MCTP1: variants seen among roughly 807,000 people sequenced by gnomAD.
MCTP1 encodes the protein multiple C2 and transmembrane domain-containing protein 1.
In MCTP1, 69 loss-of-function variants were observed where a neutral mutation model predicts 120.6. That is an observed-to-expected ratio of 0.57 (90% CI 0.47 to 0.70). The LOEUF is 0.70. Among genes scored for constraint, MCTP1 ranks in the 30% least tolerant of loss-of-function variants. The pLI is 0.00. For synonymous variants in MCTP1, 529 were observed against 493.1 expected (o/e 1.07, Z -0.96); for missense variants, 1,203 against 1,248.8 (o/e 0.96, Z 0.55).
At chr5:94,725,753 T>C (rs1186136669) in intron 19 of MCTP1, among the ~76,000 whole-genome samples, 1 of 152,184 alleles carries the variant, frequency 6.6e-6, no homozygotes, top group African/African-American at 2.4e-5. Context: ...TTTTGAGCAA[T>C]TTATTAACTT....
chr5:95,004,404 G>A (rs1834277731), intron 2 of MCTP1, among the ~76,000 whole-genome samples: 1 of 152,198 alleles, frequency 6.6e-6, no homozygotes, highest in South Asian at 2.1e-4. Context: ...GTAGAAATTT[G>A]CATAAGAGGA....
chr5:94,859,603 G>A (rs1053732564), intron 17 of MCTP1, among the ~76,000 whole-genome samples: 3 of 151,568 alleles, frequency 2.0e-5, no homozygotes, highest in African/African-American at 7.3e-5. Flanking sequence ...CATAATGAAA[G>A]CAAAACGAAA....
intron 2 of MCTP1, among the ~76,000 whole-genome samples, chr5:94,956,526 G>A (rs10045562): frequency 0.57 from 86,379 of 151,858 alleles, 24,735 homozygotes; most frequent in Middle Eastern, 0.65. Context: ...TTTATAAAAG[G>A]TTAGAGGAAC....
chr5:94,766,236 A>C (rs1209238067), intron 19 of MCTP1, among the ~76,000 whole-genome samples: 1 of 152,164 alleles, frequency 6.6e-6, no homozygotes, highest in Non-Finnish European at 1.5e-5. Context: ...GAGAAGAACA[A>C]AACTCCATCT....
chr5:95,237,450 C>T (rs763848699), intron 1 of MCTP1, among the ~76,000 whole-genome samples: 26 of 152,186 alleles, frequency 1.7e-4, no homozygotes, highest in Non-Finnish European at 3.1e-4. Context: ...CAAACCAGTA[C>T]ATTAAGAACT....
intron 19 of MCTP1, among the ~76,000 whole-genome samples, chr5:94,735,799 T>C (rs1304763202): frequency 5.1e-3 from 1 of 196 alleles, no homozygotes; most frequent in Non-Finnish European, 0.01. Context: ...GACTTTAAAA[T>C]ATATCTGTGC....
chr5:95,142,138 A>T lies in MCTP1; in HGVS notation c.721-124654T>A, dbSNP rs1759981721. ...TTTCTTTTTATTATATAATTGTCTAATGTTTCTAATGCAGGTCTCATGAAG... is the reference window on the plus strand; with the variant it reads ...TTTCTTTTTATTATATAATTGTCTATTGTTTCTAATGCAGGTCTCATGAAG... On this transcript the variant is annotated intron_variant, in intron 1 of 22. Coordinates refer to ENST00000515393, the MANE Select transcript of MCTP1 (RefSeq NM_024717.7). Among the ~76,000 whole-genome samples the T allele has an allele frequency of 3.3e-5, 5 of 152,294 alleles. No homozygotes were observed. The South Asian group carries it at 1.0e-3, about 32-fold the overall frequency.
chr5:94,768,178 G>A lies in MCTP1; in HGVS notation c.2610+10932C>T, dbSNP rs925981235. 1.3e-5 allele frequency among the ~76,000 whole-genome samples: 2 copies of A among 151,946 alleles called. 1 individual carries two copies. The highest frequency in any genetic ancestry group is 4.8e-5 in the African/African-American group (2 of 41,386). ...AAAGGACACTCTCTTCAATAAATGG[G>A]GCTGGGAAAACTGGATATCCATATG... is the stretch of plus-strand genomic sequence containing the variant. On this transcript the variant is annotated intron_variant, in intron 19 of 22. Coordinates refer to ENST00000515393, the MANE Select transcript of MCTP1 (RefSeq NM_024717.7).
chr5:95,020,070 T>TA (rs1018934647), intron 1 of MCTP1, among the ~76,000 whole-genome samples: 12 of 152,122 alleles, frequency 7.9e-5, no homozygotes, highest in Admixed American at 2.6e-4. Context: ...TTCTACTTCG[T>TA]AAAAAATGGA....
Position 94,704,075 on chromosome 5 carries a change from CACT to C in MCTP1, c.*3418_*3420del, listed in dbSNP as rs1356888309. ...AAAGAATTATAATTGAAAGGAATGA[CACT>C]ATTGTAAGAAAGAATTTACCACATT... On this transcript the variant is annotated 3_prime_UTR_variant, in exon 23 of 23. Transcript: ENST00000515393. 6.6e-6 allele frequency: 1 copy of C among 151,250 alleles called. No individual in the cohort carries two copies. The highest frequency in any genetic ancestry group is 2.4e-5 in the African/African-American group (1 of 41,264). The allele number at this position is 151,250 out of a possible 1,614,324, so 9.4% of individuals were successfully genotyped here.
chr5:94,718,155 C>T (rs1759958619), intron 19 of MCTP1, among the ~76,000 whole-genome samples: 1 of 152,060 alleles, frequency 6.6e-6, no homozygotes. Flanking sequence ...GGTACTGGTA[C>T]AAAAACACAC....
intron 19 of MCTP1, among the ~76,000 whole-genome samples, chr5:94,716,623 C>T (rs926513956): frequency 6.6e-6 from 1 of 152,066 alleles, no homozygotes; most frequent in Admixed American, 6.6e-5. Flanking sequence ...TTGAAGCATG[C>T]TGGTTGTACA....
At chr5:95,081,608 C>G in intron 1 of MCTP1, 2 of 1,411,964 alleles carry the variant, frequency 1.4e-6, no homozygotes. Flanking sequence ...CAGCCCTGCA[C>G]GGAGCACTTG....
chr5:95,010,209 TA>T (rs1243746632), intron 2 of MCTP1, among the ~76,000 whole-genome samples: 7 of 152,264 alleles, frequency 4.6e-5, no homozygotes, highest in Admixed American at 3.3e-4. Context: ...TCATCAGGCT[TA>T]AAACCTTAAT....
At chr5:94,836,075 G>A (rs2153182532) in intron 17 of MCTP1, among the ~76,000 whole-genome samples, 1 of 151,466 alleles carries the variant, frequency 6.6e-6, no homozygotes, top group Middle Eastern at 3.4e-3. Flanking sequence ...AGCTACTTGG[G>A]AGGCGGAGGC....
chr5:94,714,924 G>T (rs770453260), intron 19 of MCTP1, 38 bp from the exon 20 acceptor site: 17 of 1,186,306 alleles, frequency 1.4e-5, no homozygotes, highest in Non-Finnish European at 2.0e-5. Flanking sequence ...TATGAGTAAA[G>T]GTATTCTTCA....
chr5:94,997,294 C>G (rs1271159421), intron 2 of MCTP1, among the ~76,000 whole-genome samples: 1 of 152,122 alleles, frequency 6.6e-6, no homozygotes, highest in African/African-American at 2.4e-5. Context: ...AATTCTTTAT[C>G]TTACTGACAA....
At chr5:94,817,963 T>C (rs994827666) in intron 17 of MCTP1, among the ~76,000 whole-genome samples, 4 of 152,166 alleles carry the variant, frequency 2.6e-5, no homozygotes, top group African/African-American at 9.7e-5. Flanking sequence ...GACCCAGACC[T>C]GGTCAAAAAG....
At chr5:94,720,492 A>C (rs1245728141) in intron 19 of MCTP1, among the ~76,000 whole-genome samples, 2 of 152,206 alleles carry the variant, frequency 1.3e-5, no homozygotes, top group Non-Finnish European at 2.9e-5. Flanking sequence ...CAATTGATAG[A>C]TTATGAAATC....
Sources: allele counts gnomAD v4.1 joint callset (sites outside exome capture counted in the v4.1 genomes callset), GRCh38; gene constraint gnomAD v4.1.1; transcripts MANE v1.5; gene names NCBI Gene and HGNC (gene_info 2026-07-23, HGNC 2026-07-21).